Variants in PTPRR observed in about 807,000 individuals in gnomAD.
The protein encoded by PTPRR is protein tyrosine phosphatase receptor type R.
A neutral mutation model predicts 77.2 loss-of-function variants in PTPRR; 38 were observed. The observed-to-expected ratio is 0.49, with a 90% CI of 0.38 to 0.65. The LOEUF (loss-of-function observed/expected upper bound fraction) is 0.65. Among genes scored for constraint, PTPRR ranks in the 30% least tolerant of loss-of-function variants. The pLI, the probability that PTPRR is intolerant of heterozygous loss-of-function variation, is 0.00. For missense variants in PTPRR, 744 were observed against 799.2 expected, an observed-to-expected ratio of 0.93 and a Z score of 0.83; for synonymous variants, 299 against 283.1, an observed-to-expected ratio of 1.06 and a Z score of -0.57.
chr12:70,699,445 TATTA>T (rs1888343709), intron 7 of PTPRR, among the ~76,000 whole-genome samples: 1 of 151,916 alleles, frequency 6.6e-6, no homozygotes, highest in Non-Finnish European at 1.5e-5. Flanking sequence ...GCTATTCGTT[TATTA>T]ATTAATTTAT....
At chr12:70,679,477 T>C (rs1887575184) in intron 10 of PTPRR, among the ~76,000 whole-genome samples, 1 of 152,126 alleles carries the variant, frequency 6.6e-6, no homozygotes, top group African/African-American at 2.4e-5. Flanking sequence ...TTGCTGAGAG[T>C]GGGGTGTTGA....
At chr12:70,836,422 A>G (rs956568208) in intron 2 of PTPRR, among the ~76,000 whole-genome samples, 2 of 150,404 alleles carry the variant, frequency 1.3e-5, no homozygotes, top group South Asian at 4.2e-4. Context: ...TGTTTTCTTT[A>G]CCCTCTCTGG....
At chr12:70,678,367 T>A (rs1396608725) in intron 10 of PTPRR, among the ~76,000 whole-genome samples, 2 of 152,174 alleles carry the variant, frequency 1.3e-5, no homozygotes, top group Non-Finnish European at 2.9e-5. Context: ...CTGATTTAAT[T>A]TCCTCACTCA....
At chr12:70,907,301 G>A (rs1286472750) in intron 1 of PTPRR, among the ~76,000 whole-genome samples, 2 of 152,186 alleles carry the variant, frequency 1.3e-5, no homozygotes, top group Non-Finnish European at 2.9e-5. Flanking sequence ...AGTAAGGGAT[G>A]ATTTTAATCA....
rs1297301772 is a variant in PTPRR, at chr12:70,720,599, A to C, written c.1008-19276T>G. Among the ~76,000 whole-genome samples the C allele has an allele frequency of 2.0e-5, 3 of 149,910 alleles. No individual in the cohort carries two copies. In the East Asian group the frequency reaches 5.9e-4, roughly 29 times the overall value. ...TGACCTCAGCTCACTGCAACCTCCA[A>C]CTCCCGGGTTCAAGCGATTCTCCTG... On this transcript the variant is annotated intron_variant, in intron 6 of 13. Coordinates refer to ENST00000283228, the MANE Select transcript of PTPRR (RefSeq NM_002849.4).
chr12:70,817,334 G>GC (rs1891921810), intron 2 of PTPRR, among the ~76,000 whole-genome samples: 1 of 152,092 alleles, frequency 6.6e-6, no homozygotes, highest in Non-Finnish European at 1.5e-5. Context: ...AGAGAAAGAT[G>GC]CCAATGGATA....
chr12:70,713,912 T>G (rs1178518534), intron 6 of PTPRR, among the ~76,000 whole-genome samples: 2 of 152,174 alleles, frequency 1.3e-5, no homozygotes, highest in East Asian at 1.9e-4. Context: ...GGGTATTTGG[T>G]CAAACCTTAT....
At chr12:70,758,421 G>C (rs1890611634) in intron 4 of PTPRR, among the ~76,000 whole-genome samples, 1 of 145,382 alleles carries the variant, frequency 6.9e-6, no homozygotes, top group African/African-American at 2.9e-5. Flanking sequence ...GAGTGACTCA[G>C]TAAGTTGCTC....
rs538877374 is a variant in PTPRR, at chr12:70,783,390, C to G, written c.358-18612G>C. ...TTGTTCCTCTCTGTAGCTGGTAGTC[C>G]CATCTTCCCAGGTCTCTGAAACTCT... On this transcript the variant is annotated intron_variant, in intron 2 of 13. Transcript: ENST00000283228. 5.9e-5 allele frequency among the ~76,000 whole-genome samples: 9 copies of G among 152,090 alleles called. No homozygotes were observed. In the East Asian group the frequency reaches 1.6e-3, roughly 26 times the overall value.
intron 13 of PTPRR, 128 bp from the exon 14 acceptor site, chr12:70,639,405 TG>T: frequency 7.2e-7 from 1 of 1,392,800 alleles, no homozygotes; most frequent in Non-Finnish European, 9.6e-7. Context: ...GTGGTTCTTT[TG>T]TTATCCCTCT....
At chr12:70,855,133 G>A (rs1304423087) in intron 2 of PTPRR, among the ~76,000 whole-genome samples, 1 of 152,090 alleles carries the variant, frequency 6.6e-6, no homozygotes, top group Non-Finnish European at 1.5e-5. Flanking sequence ...AGAGAAATGT[G>A]GGCTAGGAGA....
At chr12:70,740,164 T>G (rs1276388449) in intron 6 of PTPRR, among the ~76,000 whole-genome samples, 1 of 152,060 alleles carries the variant, frequency 6.6e-6, no homozygotes, top group East Asian at 1.9e-4. Flanking sequence ...AAATAATATA[T>G]ATGAAACATA....
At chr12:70,824,630 G>A (rs1180446794) in intron 2 of PTPRR, among the ~76,000 whole-genome samples, 1 of 152,188 alleles carries the variant, frequency 6.6e-6, no homozygotes, top group Non-Finnish European at 1.5e-5. Context: ...GTAGTTGCCT[G>A]TACAGGGAGA....
At chr12:70,649,462 C>T (rs754349707) in intron 13 of PTPRR, among the ~76,000 whole-genome samples, 6 of 152,116 alleles carry the variant, frequency 3.9e-5, no homozygotes, top group Non-Finnish European at 5.9e-5. Context: ...TAGAGGAAGG[C>T]CTGTGAAGCT....
intron 2 of PTPRR, among the ~76,000 whole-genome samples, chr12:70,783,291 A>G (rs1005773800): frequency 1.3e-5 from 2 of 151,934 alleles, no homozygotes; most frequent in Non-Finnish European, 2.9e-5. Flanking sequence ...GAGGCTCTGG[A>G]GAGGGTAGCT....
chr12:70,741,288 C>A (rs1447574391), intron 6 of PTPRR, among the ~76,000 whole-genome samples: 1 of 152,086 alleles, frequency 6.6e-6, no homozygotes, highest in Non-Finnish European at 1.5e-5. Context: ...ATTAGTAAAC[C>A]AGAACTTAAA....
chr12:70,802,284 G>A (rs1036840528), intron 2 of PTPRR, among the ~76,000 whole-genome samples: 3 of 152,144 alleles, frequency 2.0e-5, no homozygotes, highest in Non-Finnish European at 2.9e-5. Context: ...TTCGTAAAGA[G>A]TAATATTTTC....
intron 2 of PTPRR, among the ~76,000 whole-genome samples, chr12:70,809,366 G>A (rs1309366021): frequency 1.3e-5 from 2 of 152,164 alleles, no homozygotes; most frequent in African/African-American, 4.8e-5. Flanking sequence ...CTCATGTGTA[G>A]ATTTCTTATA....
intron 2 of PTPRR, among the ~76,000 whole-genome samples, chr12:70,767,928 G>A (rs1293497910): frequency 3.3e-5 from 5 of 151,984 alleles, no homozygotes; most frequent in African/African-American, 9.7e-5. Context: ...GGTACATAAC[G>A]AAATGAAGGC....
Sources: allele counts gnomAD v4.1 joint callset (sites outside exome capture counted in the v4.1 genomes callset), GRCh38; gene constraint gnomAD v4.1.1; transcripts MANE v1.5; gene names NCBI Gene and HGNC (gene_info 2026-07-23, HGNC 2026-07-21).